Variants in VAMP7 observed in about 807,000 individuals in gnomAD.
VAMP7 encodes vesicle-associated membrane protein 7.
In VAMP7, 14 loss-of-function variants were observed where a neutral mutation model predicts 29.6. The observed-to-expected ratio is 0.47, with a 90% CI of 0.31 to 0.74. The LOEUF (loss-of-function observed/expected upper bound fraction) is 0.74. Among genes scored for constraint, VAMP7 ranks in the 30% least tolerant of loss-of-function variants. The probability of loss-of-function intolerance (pLI) is 0.05; values close to 1 mark genes in which losing one functional copy is unlikely to be tolerated. For missense variants in VAMP7, 223 were observed against 262.4 expected, an observed-to-expected ratio of 0.85 and a Z score of 1.04; for synonymous variants, 95 against 88.1, an observed-to-expected ratio of 1.08 and a Z score of -0.44.
At chrX:155,916,584 G>A (rs2066317379) in intron 5 of VAMP7, among the ~76,000 whole-genome samples, 1 of 152,150 alleles carries the variant, frequency 6.6e-6, no homozygotes, top group South Asian at 2.1e-4. Context: ...TTGCATGTCT[G>A]TAAAGGATTT....
At chrX:155,936,898 A>G (rs759707805) in intron 6 of VAMP7, among the ~76,000 whole-genome samples, 1 of 152,336 alleles carries the variant, frequency 6.6e-6, no homozygotes, top group African/African-American at 2.4e-5. Flanking sequence ...TTAGGAATAA[A>G]TTTAACCAAG....
At chrX:155,898,048 C>A in intron 3 of VAMP7, 64 bp from the exon 4 acceptor site, 1 of 1,567,542 alleles carries the variant, frequency 6.4e-7, no homozygotes, top group Non-Finnish European at 8.7e-7. Flanking sequence ...TATTGTTGTT[C>A]TTAATCACTC....
At chrX:155,888,327 G>C (rs1295317640) in intron 1 of VAMP7, among the ~76,000 whole-genome samples, 4 of 152,194 alleles carry the variant, frequency 2.6e-5, no homozygotes, top group Non-Finnish European at 5.9e-5. Context: ...ATTAAATACA[G>C]ATTCCAGGGC....
At chrX:155,909,543 A>G (rs2066204424) in intron 5 of VAMP7, among the ~76,000 whole-genome samples, 1 of 152,136 alleles carries the variant, frequency 6.6e-6, no homozygotes, top group Non-Finnish European at 1.5e-5. Context: ...CTTCTTTTCT[A>G]GATCCATAAG....
chrX:155,908,277 C>T (rs1187800621), intron 5 of VAMP7, among the ~76,000 whole-genome samples: 1 of 152,212 alleles, frequency 6.6e-6, no homozygotes, highest in African/African-American at 2.4e-5. Context: ...CCATTGAGCA[C>T]TGAGTGAACG....
chrX:155,890,725 A>T (rs2065916862), intron 2 of VAMP7, among the ~76,000 whole-genome samples: 1 of 152,160 alleles, frequency 6.6e-6, no homozygotes, highest in African/African-American at 2.4e-5. Context: ...ATAGTTGGGA[A>T]ATCTTAGTAA....
intron 5 of VAMP7, among the ~76,000 whole-genome samples, chrX:155,910,586 GT>G (rs57564977): frequency 0.014 from 1,907 of 133,850 alleles, 25 homozygotes; most frequent in African/African-American, 0.042. Context: ...GTGTGTAAGT[GT>G]TTTTTTTTTT....
intron 5 of VAMP7, among the ~76,000 whole-genome samples, chrX:155,918,308 G>A (rs1463181575): frequency 2.0e-5 from 3 of 151,790 alleles, no homozygotes; most frequent in African/African-American, 7.2e-5. Flanking sequence ...CTTTCCAGGC[G>A]AGTGAACAGT....
At chrX:155,923,981 A>C (rs2066433154) in intron 6 of VAMP7, among the ~76,000 whole-genome samples, 1 of 152,118 alleles carries the variant, frequency 6.6e-6, no homozygotes, top group Non-Finnish European at 1.5e-5. Context: ...TAACATGTGC[A>C]TACTTTCCTC....
At chrX:155,924,851 C>T (rs983686134) in intron 6 of VAMP7, among the ~76,000 whole-genome samples, 1 of 152,184 alleles carries the variant, frequency 6.6e-6, no homozygotes, top group Admixed American at 6.5e-5. Context: ...GAACTTCTTT[C>T]AAAATTGGAG....
intron 6 of VAMP7, among the ~76,000 whole-genome samples, chrX:155,937,390 G>A (rs1488006674): frequency 1.3e-5 from 2 of 152,142 alleles, no homozygotes; most frequent in South Asian, 2.1e-4. Flanking sequence ...TTTGAAATAT[G>A]CTATAAGAAT....
chrX:155,928,613 A>G (rs1440047365), intron 6 of VAMP7, among the ~76,000 whole-genome samples: 1 of 152,164 alleles, frequency 6.6e-6, no homozygotes, highest in Non-Finnish European at 1.5e-5. Context: ...GATGTCATTT[A>G]GGGCTCACAT....
chrX:155,940,017 A>T (rs754835471), intron 7 of VAMP7, among the ~76,000 whole-genome samples: 1 of 152,212 alleles, frequency 6.6e-6, no homozygotes, highest in East Asian at 1.9e-4. Flanking sequence ...ATAGGAAGAG[A>T]TCTATAAAAC....
chrX:155,884,223 G>A (rs768385162), intron 1 of VAMP7, among the ~76,000 whole-genome samples: 1 of 151,920 alleles, frequency 6.6e-6, no homozygotes, highest in South Asian at 2.1e-4. Context: ...CACTTCCCGG[G>A]TTCAAGCGAT....
chrX:155,895,312 C>T (rs1381911956), intron 2 of VAMP7, among the ~76,000 whole-genome samples: 1 of 152,174 alleles, frequency 6.6e-6, no homozygotes, highest in Non-Finnish European at 1.5e-5. Flanking sequence ...TTACATCCTC[C>T]TCCTAAGATG....
chrX:155,891,066 C>G (rs1388146466), intron 2 of VAMP7, among the ~76,000 whole-genome samples: 2 of 152,136 alleles, frequency 1.3e-5, no homozygotes, highest in African/African-American at 2.4e-5. Context: ...CAGTGCTTGC[C>G]CAGTAATTTT....
chrX:155,915,675 T>C (rs1286977723), intron 5 of VAMP7, among the ~76,000 whole-genome samples: 2 of 152,218 alleles, frequency 1.3e-5, no homozygotes, highest in African/African-American at 4.8e-5. Context: ...TGTGCAGTTT[T>C]GAGTGAGTTT....
rs1046730320 is a variant in VAMP7, at chrX:155,889,318, T to C, written c.-9-140T>C. Reference sequence around the variant, plus strand: ...TTGACCTTCTTTTTAAGCCTGCTCTTAAGTCTGTTGTTAAGTTTCATGTTA... The same window carrying C: ...TTGACCTTCTTTTTAAGCCTGCTCTCAAGTCTGTTGTTAAGTTTCATGTTA... On this transcript the variant is annotated intron_variant, in intron 1 of 7. Transcript: ENST00000286448. The C allele has an allele frequency of 1.3e-5, 16 of 1,236,918 alleles. No individual in the cohort carries two copies. In the African/African-American group the frequency reaches 2.3e-4, roughly 18 times the overall value. The allele number at this position is 1,236,918 out of a possible 1,614,324, so 76.6% of individuals were successfully genotyped here. A position where few individuals can be genotyped will look rare whatever the true frequency, so the allele number is the denominator to read the frequency against.
chrX:155,940,306 C>G (rs1345824140), intron 7 of VAMP7, among the ~76,000 whole-genome samples: 5 of 152,034 alleles, frequency 3.3e-5, no homozygotes, highest in Non-Finnish European at 7.4e-5. Context: ...GCCTTTCCTC[C>G]CCATCCTCCA....
Sources: allele counts gnomAD v4.1 joint callset (sites outside exome capture counted in the v4.1 genomes callset), GRCh38; gene constraint gnomAD v4.1.1; transcripts MANE v1.5; gene names NCBI Gene and HGNC (gene_info 2026-07-23, HGNC 2026-07-21).